The following EPHA6 variants were observed in gnomAD, a reference collection of about 807,000 sequenced individuals.
EPHA6 encodes ephrin type-A receptor 6.
A neutral mutation model predicts 112.0 loss-of-function variants in EPHA6; 50 were observed. The observed-to-expected ratio is 0.45, with a 90% confidence interval of 0.36 to 0.56. EPHA6 has a LOEUF of 0.56. EPHA6 is among the 20% of genes least tolerant of loss of function. The pLI, the probability that EPHA6 is intolerant of heterozygous loss-of-function variation, is 0.00. For missense variants in EPHA6, 1,280 were observed against 1,417.4 expected (o/e 0.90, Z 1.56); for synonymous variants, 529 against 490.7 (o/e 1.08, Z -1.03).
intron 6 of EPHA6, among the ~76,000 whole-genome samples, chr3:97,407,575 T>C (rs919693448): frequency 6.6e-6 from 1 of 152,026 alleles, no homozygotes; most frequent in Non-Finnish European, 1.5e-5. Flanking sequence ...AGATATTCCT[T>C]ATTCAGTTAA....
intron 3 of EPHA6, among the ~76,000 whole-genome samples, chr3:97,194,792 A>AC (rs1478204073): frequency 2.6e-5 from 4 of 151,156 alleles, no homozygotes; most frequent in Non-Finnish European, 5.9e-5. Flanking sequence ...CCTCTTACTG[A>AC]ATTGACTCCA....
chr3:97,128,579 C>T (rs1397831116), intron 3 of EPHA6, among the ~76,000 whole-genome samples: 1 of 152,138 alleles, frequency 6.6e-6, no homozygotes, highest in African/African-American at 2.4e-5. Context: ...AGTGCAGTAG[C>T]ATGATCTCGG....
intron 2 of EPHA6, among the ~76,000 whole-genome samples, chr3:96,916,022 T>C (rs746281128): frequency 2.0e-5 from 3 of 152,140 alleles, no homozygotes; most frequent in Non-Finnish European, 4.4e-5. Flanking sequence ...GTTTTAAATA[T>C]ATATCATCCT....
intron 14 of EPHA6, among the ~76,000 whole-genome samples, chr3:97,687,381 A>T (rs1326316784): frequency 6.6e-6 from 1 of 152,232 alleles, no homozygotes; most frequent in African/African-American, 2.4e-5. Flanking sequence ...ACTATTGGAC[A>T]TCATGGCTAT....
At chr3:96,825,236 A>G (rs536679884) in intron 1 of EPHA6, among the ~76,000 whole-genome samples, 25 of 152,010 alleles carry the variant, frequency 1.6e-4, no homozygotes, top group Admixed American at 1.2e-3. Flanking sequence ...GATTGAGCAT[A>G]GAACTTTTAA....
intron 2 of EPHA6, among the ~76,000 whole-genome samples, chr3:96,929,764 T>C (rs1366334739): frequency 6.6e-6 from 1 of 152,200 alleles, no homozygotes; most frequent in Non-Finnish European, 1.5e-5. Context: ...AATTTGAATG[T>C]TGGCCTCTCT....
Position 97,753,201 on chromosome 3 carries a change from AC to A in EPHA6, c.*4501del, listed in dbSNP as rs1424001050. Among the ~76,000 whole-genome samples, 1 of 152,126 alleles carries A rather than the reference AC, an allele frequency of 6.6e-6. No individual in the cohort carries two copies. The highest frequency in any genetic ancestry group is 3.2e-3 in the Middle Eastern group (1 of 316). ...TATCTATGGAATATCTCCTATATGC[AC>A]AAAATTTTACTACAAAGATACGTTT... On this transcript the variant is annotated 3_prime_UTR_variant, in exon 18 of 18. Coordinates refer to ENST00000389672, the MANE Select transcript of EPHA6 (RefSeq NM_001080448.3).
chr3:96,887,785 G>A (rs950486737), intron 2 of EPHA6, among the ~76,000 whole-genome samples: 1 of 152,056 alleles, frequency 6.6e-6, no homozygotes, highest in East Asian at 1.9e-4. Flanking sequence ...TTGGGGATGG[G>A]GGTGAGATTC....
chr3:97,436,883 A>G (rs532695671), intron 6 of EPHA6, among the ~76,000 whole-genome samples: 1 of 152,278 alleles, frequency 6.6e-6, no homozygotes, highest in South Asian at 2.1e-4. Context: ...ACTACTGTAA[A>G]AAAATCCAAT....
chr3:97,385,947 C>G (rs746801679), intron 5 of EPHA6, among the ~76,000 whole-genome samples: 3 of 152,108 alleles, frequency 2.0e-5, no homozygotes, highest in Non-Finnish European at 4.4e-5. Context: ...GCCCCTTCAC[C>G]AACATTTAAG....
At chr3:96,943,482 T>A (rs2107695272) in intron 2 of EPHA6, among the ~76,000 whole-genome samples, 1 of 152,316 alleles carries the variant, frequency 6.6e-6, no homozygotes, top group South Asian at 2.1e-4. Flanking sequence ...TATTAAATGC[T>A]TTTGAAAGTG....
intron 3 of EPHA6, among the ~76,000 whole-genome samples, chr3:97,187,735 AAGAAAGAAAGAG>A (rs1559784721): frequency 4.7e-5 from 7 of 148,564 alleles, no homozygotes; most frequent in African/African-American, 1.5e-4. Flanking sequence ...GAAAGAAAGA[AAGAAAGAAAGAG>A]GAAAGAAAGA....
intron 5 of EPHA6, among the ~76,000 whole-genome samples, chr3:97,402,139 T>G (rs2087029486): frequency 6.6e-6 from 1 of 152,090 alleles, no homozygotes; most frequent in Non-Finnish European, 1.5e-5. Context: ...AGCTGTTGGA[T>G]GAAATGTTTT....
At chr3:97,742,375 T>C (rs190053022) in intron 16 of EPHA6, among the ~76,000 whole-genome samples, 17 of 152,270 alleles carry the variant, frequency 1.1e-4, no homozygotes, top group Middle Eastern at 3.4e-3. Flanking sequence ...ATGTGCTGGG[T>C]ACACTACTGG....
intron 3 of EPHA6, among the ~76,000 whole-genome samples, chr3:97,095,453 TA>T (rs145834873): frequency 0.047 from 7,079 of 151,782 alleles, 579 homozygotes; most frequent in African/African-American, 0.16. Flanking sequence ...AGTATAATGA[TA>T]AAAAAAAGCA....
chr3:97,426,176 C>T (rs2089105511), intron 6 of EPHA6, among the ~76,000 whole-genome samples: 1 of 152,158 alleles, frequency 6.6e-6, no homozygotes, highest in African/African-American at 2.4e-5. Flanking sequence ...CTGTATTAGT[C>T]TATTCACATG....
intron 1 of EPHA6, among the ~76,000 whole-genome samples, chr3:96,860,213 C>T (rs1297889616): frequency 6.6e-6 from 1 of 152,002 alleles, no homozygotes; most frequent in Non-Finnish European, 1.5e-5. Context: ...TTCATTATGT[C>T]CATGTAAATG....
chr3:96,895,559 G>A (rs140549675), intron 2 of EPHA6, among the ~76,000 whole-genome samples: 2,193 of 152,182 alleles, frequency 0.014, 35 homozygotes, highest in Middle Eastern at 0.027. Context: ...CACTCACCAC[G>A]CAGTCACTGA....
chr3:97,604,938 C>A (rs912607573), intron 12 of EPHA6, among the ~76,000 whole-genome samples: 7 of 151,480 alleles, frequency 4.6e-5, no homozygotes, highest in Non-Finnish European at 3.0e-5. Context: ...AAATTGAATA[C>A]CTACTCTGTG....
Sources: gnomAD v4.1 joint callset for allele counts (sites outside exome capture counted in the v4.1 genomes callset) on GRCh38, gnomAD v4.1.1 for gene constraint, MANE v1.5 for transcripts, NCBI Gene and HGNC (gene_info 2026-07-23, HGNC 2026-07-21) for gene names.